The following MYO16 variants were observed in gnomAD, a reference collection of about 807,000 sequenced individuals.
MYO16 encodes unconventional myosin-XVI.
In MYO16, 94 loss-of-function variants were observed where a neutral mutation model predicts 205.3. That is an observed-to-expected ratio of 0.46 (90% CI 0.39 to 0.54). The LOEUF (loss-of-function observed/expected upper bound fraction) is 0.54, where lower values mean the gene tolerates loss of function less well. MYO16 is among the 20% of genes least tolerant of loss of function. The pLI is 0.00. For synonymous variants in MYO16, 988 were observed against 954.0 expected, an observed-to-expected ratio of 1.04 and a Z score of -0.66; for missense variants, 2,315 against 2,387.5, an observed-to-expected ratio of 0.97 and a Z score of 0.63.
chr13:109,174,940 C>A (rs12870834), intron 33 of MYO16, among the ~76,000 whole-genome samples: 4,840 of 151,392 alleles, frequency 0.032, 117 homozygotes, highest in Middle Eastern at 0.055. Flanking sequence ...TTAGTAGAGG[C>A]AGGGTTTCAC....
chr13:108,794,568 C>G (rs961617444), intron 6 of MYO16, among the ~76,000 whole-genome samples: 3 of 152,104 alleles, frequency 2.0e-5, no homozygotes, highest in African/African-American at 7.2e-5. Flanking sequence ...CAAGCAAACT[C>G]CTGTCATTAC....
intron 34 of MYO16, among the ~76,000 whole-genome samples, chr13:109,181,744 T>C (rs1454757944): frequency 6.6e-6 from 1 of 152,164 alleles, no homozygotes; most frequent in South Asian, 2.1e-4. Flanking sequence ...TTTCTGAGAA[T>C]GAACTTATCA....
chr13:109,148,384 G>T (rs781294095), intron 32 of MYO16, among the ~76,000 whole-genome samples: 4 of 152,184 alleles, frequency 2.6e-5, no homozygotes, highest in Non-Finnish European at 5.9e-5. Flanking sequence ...AACCAGACTT[G>T]CACTAACTTG....
chr13:109,200,592 T>C (rs901123248), intron 34 of MYO16, among the ~76,000 whole-genome samples: 4 of 152,178 alleles, frequency 2.6e-5, no homozygotes, highest in Admixed American at 6.5e-5. Context: ...ACTTGGGAAT[T>C]CAGATATTTT....
In MYO16 at chr13:108,706,597, G is replaced by A. The variant is rs370090753; in HGVS notation, c.293-6064G>A. Among the ~76,000 whole-genome samples, 22 of 152,184 alleles carry A rather than the reference G, an allele frequency of 1.4e-4. No individual in the cohort carries two copies. The East Asian group carries it at 1.7e-3, about 12-fold the overall frequency. ...CAACTAGATTATACACTCTATGAAG[G>A]TAAGATTGTTTTCTATTTCTTCTCT... On this transcript the variant is annotated intron_variant, in intron 2 of 34. Transcript: ENST00000457511.
At chr13:108,973,711 T>C (rs1275989439) in intron 20 of MYO16, among the ~76,000 whole-genome samples, 2 of 152,118 alleles carry the variant, frequency 1.3e-5, no homozygotes, top group Non-Finnish European at 2.9e-5. Flanking sequence ...GTGATATCAG[T>C]GTATTAGGTG....
At chr13:108,872,723 TAC>T (rs923695614) in intron 12 of MYO16, among the ~76,000 whole-genome samples, 1 of 151,654 alleles carries the variant, frequency 6.6e-6, no homozygotes, top group African/African-American at 2.4e-5. Context: ...TATGTATATA[TAC>T]ACACACACAC....
the MYO16 span, among the ~76,000 whole-genome samples, chr13:108,510,412 C>T: frequency 0.11 from 13,926 of 124,150 alleles, 750 homozygotes; most frequent in East Asian, 0.21. Context: ...CCACCATGCC[C>T]GGTAGATAGT....
the MYO16 span, among the ~76,000 whole-genome samples, chr13:108,572,228 C>T: frequency 6.6e-6 from 1 of 152,018 alleles, no homozygotes; most frequent in African/African-American, 2.4e-5. Context: ...CATCTGGCCC[C>T]CTCCATTTAT....
At chr13:108,765,403 A>C (rs1885747079) in intron 4 of MYO16, among the ~76,000 whole-genome samples, 1 of 152,204 alleles carries the variant, frequency 6.6e-6, no homozygotes, top group Non-Finnish European at 1.5e-5. Flanking sequence ...TCTGTCATAC[A>C]TACCCATGTT....
chr13:108,761,971 T>C (rs1885623340), intron 4 of MYO16, among the ~76,000 whole-genome samples: 1 of 152,212 alleles, frequency 6.6e-6, no homozygotes, highest in African/African-American at 2.4e-5. Flanking sequence ...GTTTAAGTTG[T>C]TATTCGTTAA....
chr13:108,826,364 T>G (rs1184644030), intron 9 of MYO16, among the ~76,000 whole-genome samples: 1 of 152,104 alleles, frequency 6.6e-6, no homozygotes, highest in Non-Finnish European at 1.5e-5. Context: ...CAACTGGATA[T>G]TCACATGCAA....
intron 1 of MYO16, among the ~76,000 whole-genome samples, chr13:108,621,969 GA>G (rs11338346): frequency 0.03 from 4,506 of 150,334 alleles, 181 homozygotes; most frequent in African/African-American, 0.09. Context: ...GAAATGTATA[GA>G]AAAAAAAACA....
rs67656911 is a variant in MYO16, at chr13:109,073,108, C to CTTTT, written c.3335+17521_3335+17524dup. Among the ~76,000 whole-genome samples the CTTTT allele has an allele frequency of 6.5e-3, 970 of 148,196 alleles. 29 individuals are homozygous for CTTTT. The highest frequency in any genetic ancestry group is 0.042 in the East Asian group (208 of 4,988). The stretch of plus-strand genomic sequence containing the variant: ...AGTATAGAGTGAAATTATGGAATAT[C>CTTTT]TTTTTTTTTTTGAGATGGAGTCTCG... On this transcript the variant is annotated intron_variant, in intron 27 of 34. Transcript: ENST00000457511.
At chr13:108,847,327 T>G (rs1190941906) in intron 10 of MYO16, among the ~76,000 whole-genome samples, 2 of 152,202 alleles carry the variant, frequency 1.3e-5, no homozygotes, top group African/African-American at 4.8e-5. Context: ...TACACAGGCT[T>G]TATGCTCCTG....
At chr13:108,743,239 T>C (rs1884962716) in intron 4 of MYO16, among the ~76,000 whole-genome samples, 1 of 152,108 alleles carries the variant, frequency 6.6e-6, no homozygotes, top group Admixed American at 6.5e-5. Context: ...TCTCAGGCCT[T>C]TGCCTTTTTC....
chr13:108,819,374 G>A (rs1875833722), intron 7 of MYO16, among the ~76,000 whole-genome samples: 1 of 152,128 alleles, frequency 6.6e-6, no homozygotes. Context: ...CTATACGATA[G>A]GATTTCATTT....
Position 109,019,925 on chromosome 13 carries a change from A to T in MYO16, c.2796+14A>T, listed in dbSNP as rs755886723. 6.2e-7 allele frequency: 1 copy of T among 1,612,524 alleles called. No individual in the cohort carries two copies. The highest frequency in any genetic ancestry group is 1.1e-5 in the South Asian group (1 of 90,732). ...TACGCAGGAAGGGTAAGTGGCCAGAACTGCATAATTTTTCATGTGCACTAA... is the reference window on the plus strand; with the variant it reads ...TACGCAGGAAGGGTAAGTGGCCAGATCTGCATAATTTTTCATGTGCACTAA... On this transcript the variant is annotated intron_variant, in intron 23 of 34. Coordinates refer to ENST00000457511, the MANE Select transcript of MYO16 (RefSeq NM_001198950.3).
Position 109,162,942 on chromosome 13 carries a change from A to C in MYO16, c.5165-1959A>C, listed in dbSNP as rs1321316791. 6.6e-6 allele frequency among the ~76,000 whole-genome samples: 1 copy of C among 152,186 alleles called. No homozygotes were observed. Among genetic ancestry groups the C allele is most frequent in the African/African-American group, 2.4e-5 (1 of 41,444 alleles). ...TAATTGCTCATTGTCAAGAGCTAAA[A>C]CAGTTAAGATCACCTGACTTTCACT... On this transcript the variant is annotated intron_variant, in intron 32 of 34. Transcript: ENST00000457511. The surrounding 1 kb of genome is among the most constrained non-coding windows in gnomAD (Gnocchi z 4.6).
Sources: gnomAD v4.1 joint callset for allele counts (sites outside exome capture counted in the v4.1 genomes callset) on GRCh38, gnomAD v4.1.1 for gene constraint, Gnocchi (gnomAD v3.1) non-coding constraint, MANE v1.5 for transcripts, NCBI Gene and HGNC (gene_info 2026-07-23, HGNC 2026-07-21) for gene names.